Variants in DAB1 observed in about 807,000 individuals in gnomAD.
DAB1 encodes disabled homolog 1.
DAB1 carries 15 observed loss-of-function variants against 64.6 expected under a neutral mutation model. The ratio of observed to expected loss-of-function variants is 0.23; its 90% CI spans 0.16 to 0.36. The LOEUF (loss-of-function observed/expected upper bound fraction) is 0.36, where lower values mean the gene tolerates loss of function less well. Ranked by LOEUF, DAB1 falls within the 10% of genes least tolerant of loss-of-function variation. The pLI, the probability that DAB1 is intolerant of heterozygous loss-of-function variation, is 1.00. For synonymous variants in DAB1, 235 were observed against 251.9 expected, an observed-to-expected ratio of 0.93 and a Z score of 0.64; for missense variants, 596 against 706.7, an observed-to-expected ratio of 0.84 and a Z score of 1.78.
At chr1:57,878,671 A>T (rs1644093326) in intron 1 of DAB1, 1 of 152,154 alleles carries the variant, frequency 6.6e-6, no homozygotes, top group Admixed American at 6.5e-5. Context: ...AACATTTATT[A>T]TTAATTTGTG....
At chr1:58,436,955 C>T (rs2100256011) in intron 3 of DAB1, among the ~76,000 whole-genome samples, 1 of 152,344 alleles carries the variant, frequency 6.6e-6, no homozygotes, top group African/African-American at 2.4e-5. Context: ...CCTAAACATT[C>T]TCTCTGTCCC....
intron 4 of DAB1, among the ~76,000 whole-genome samples, chr1:58,303,181 C>T (rs1662213809): frequency 6.6e-6 from 1 of 152,132 alleles, no homozygotes; most frequent in Non-Finnish European, 1.5e-5. Context: ...TTCCAAGCAG[C>T]CTCCATCCTG....
At chr1:57,157,980 A>G (rs1243735011) in intron 2 of DAB1, among the ~76,000 whole-genome samples, 1 of 152,226 alleles carries the variant, frequency 6.6e-6, no homozygotes, top group Non-Finnish European at 1.5e-5. Context: ...AGGAGGGCGT[A>G]GCTGCCTAAC....
chr1:57,001,890 C>A (rs1645882619), intron 14 of DAB1, among the ~76,000 whole-genome samples: 1 of 151,580 alleles, frequency 6.6e-6, no homozygotes, highest in South Asian at 2.1e-4. Context: ...AGAACCTGTG[C>A]AGATCTCTGT....
intron 1 of DAB1, among the ~76,000 whole-genome samples, chr1:57,826,755 T>C (rs1652367622): frequency 6.6e-6 from 1 of 152,308 alleles, no homozygotes; most frequent in African/African-American, 2.4e-5. Flanking sequence ...TGGCAGGAGA[T>C]GGCACTGACT....
intron 11 of DAB1, among the ~76,000 whole-genome samples, chr1:57,019,491 G>A (rs545206502): frequency 7.2e-4 from 109 of 152,286 alleles, no homozygotes; most frequent in African/African-American, 2.3e-3. Context: ...GGCAGCACAG[G>A]GTAATTGGGT....
chr1:58,132,279 C>A (rs191425864), intron 5 of DAB1, among the ~76,000 whole-genome samples: 9 of 152,274 alleles, frequency 5.9e-5, no homozygotes, highest in Non-Finnish European at 1.0e-4. Context: ...TGACCCCTTG[C>A]GCTTCCCAAG....
At chr1:58,076,827 C>G (rs1649680560) in intron 5 of DAB1, among the ~76,000 whole-genome samples, 1 of 143,862 alleles carries the variant, frequency 7.0e-6, no homozygotes, top group Admixed American at 6.7e-5. Flanking sequence ...TGTAGCTACA[C>G]TGATGAAGCT....
At chr1:58,062,315 A>G (rs996330461) in intron 5 of DAB1, among the ~76,000 whole-genome samples, 1 of 152,354 alleles carries the variant, frequency 6.6e-6, no homozygotes, top group Middle Eastern at 3.4e-3. Context: ...CACAGACCTC[A>G]TAAGTAGTAA....
At chr1:57,687,616 A>AG (rs1412189227) in intron 6 of DAB1, among the ~76,000 whole-genome samples, 47 of 148,834 alleles carry the variant, frequency 3.2e-4, no homozygotes, top group African/African-American at 1.2e-3. Flanking sequence ...AAAAAAAAAA[A>AG]AAAGAAAAAA....
At chr1:57,032,760 T>C (rs1553130839) in intron 9 of DAB1, among the ~76,000 whole-genome samples, 1 of 152,244 alleles carries the variant, frequency 6.6e-6, no homozygotes, top group Non-Finnish European at 1.5e-5. Context: ...ATTTTTGTCC[T>C]AGAGGTTTCC....
intron 1 of DAB1, among the ~76,000 whole-genome samples, chr1:57,330,946 C>T (rs1281031128): frequency 1.3e-5 from 2 of 152,126 alleles, no homozygotes; most frequent in Non-Finnish European, 2.9e-5. Flanking sequence ...GCCACCTAAA[C>T]AGCATCATTT....
At chr1:57,441,839 T>C (rs542789606) in intron 7 of DAB1, among the ~76,000 whole-genome samples, 1 of 152,368 alleles carries the variant, frequency 6.6e-6, no homozygotes, top group East Asian at 1.9e-4. Flanking sequence ...GGTAGCTCTC[T>C]TTTAAGTTCT....
chr1:58,361,924 C>T (rs1274589436), intron 3 of DAB1, among the ~76,000 whole-genome samples: 4 of 122,958 alleles, frequency 3.3e-5, no homozygotes, highest in African/African-American at 1.2e-4. Flanking sequence ...GGCTGGAGTG[C>T]AGCAGTGTGA....
At chr1:58,166,607 C>G (rs547990237) in intron 4 of DAB1, among the ~76,000 whole-genome samples, 104 of 152,244 alleles carry the variant, frequency 6.8e-4, no homozygotes, top group African/African-American at 2.3e-3. Flanking sequence ...CACGTGCATT[C>G]CCAAACAAGT....
At chr1:58,482,348 AC>A (rs565079772) in intron 3 of DAB1, among the ~76,000 whole-genome samples, 23 of 152,200 alleles carry the variant, frequency 1.5e-4, no homozygotes, top group Non-Finnish European at 2.6e-4. Flanking sequence ...GGAAATAGTT[AC>A]CCCTGAAACT....
intron 7 of DAB1, among the ~76,000 whole-genome samples, chr1:57,565,290 GAAC>G (rs1323888067): frequency 6.6e-6 from 1 of 152,114 alleles, no homozygotes; most frequent in Non-Finnish European, 1.5e-5. Flanking sequence ...ACATGGAAAG[GAAC>G]AACAGGTACC....
intron 6 of DAB1, among the ~76,000 whole-genome samples, chr1:57,674,347 C>T (rs1233767804): frequency 6.6e-6 from 1 of 152,128 alleles, no homozygotes; most frequent in African/African-American, 2.4e-5. Context: ...CTCAGAGAGG[C>T]CTCGTAACTG....
chr1:57,273,583 C>T (rs1049197780), intron 2 of DAB1, among the ~76,000 whole-genome samples: 5 of 86,418 alleles, frequency 5.8e-5, no homozygotes, highest in African/African-American at 2.4e-4. Context: ...TCCTTCCTTC[C>T]TTCCTTCCTT....
Sources: allele counts gnomAD v4.1 joint callset (sites outside exome capture counted in the v4.1 genomes callset), GRCh38; gene constraint gnomAD v4.1.1; transcripts MANE v1.5; gene names NCBI Gene and HGNC (gene_info 2026-07-23, HGNC 2026-07-21).